FMNL2: variants seen among roughly 807,000 people sequenced by gnomAD.
FMNL2 encodes the protein formin-like protein 2.
In FMNL2, 51 loss-of-function variants were observed where a neutral mutation model predicts 130.2. The observed-to-expected ratio is 0.39, with a 90% CI of 0.31 to 0.49. The LOEUF is 0.49. FMNL2 is among the 20% of genes least tolerant of loss of function. The probability of loss-of-function intolerance (pLI) is 0.85; values close to 1 mark genes in which losing one functional copy is unlikely to be tolerated. For missense variants in FMNL2, 977 were observed against 1,316.2 expected (o/e 0.74, Z 3.99); for synonymous variants, 465 against 467.1 (o/e 1.00, Z 0.06).
At chr2:152,548,207 C>G (rs1169897996) in intron 3 of FMNL2, among the ~76,000 whole-genome samples, 1 of 152,074 alleles carries the variant, frequency 6.6e-6, no homozygotes, top group East Asian at 1.9e-4. Context: ...GCTCTGCATG[C>G]TTATTTTTGC....
intron 1 of FMNL2, among the ~76,000 whole-genome samples, chr2:152,359,481 C>CTTTTTTTT (rs10694393): frequency 0.14 from 9,866 of 72,508 alleles, 378 homozygotes; most frequent in South Asian, 0.2. Flanking sequence ...AAGAGGTAGC[C>CTTTTTTTT]TTTTTTTTTT....
chr2:152,420,510 C>T (rs1686852818), intron 1 of FMNL2, among the ~76,000 whole-genome samples: 1 of 152,192 alleles, frequency 6.6e-6, no homozygotes, highest in Admixed American at 6.5e-5. Flanking sequence ...TAAGGTCTTT[C>T]TCCGAGAATT....
intron 1 of FMNL2, among the ~76,000 whole-genome samples, chr2:152,429,283 G>A (rs1328374215): frequency 1.3e-5 from 2 of 151,184 alleles, no homozygotes; most frequent in African/African-American, 4.9e-5. Context: ...CCGACCAAAT[G>A]TGTCCATGCA....
At chr2:152,372,953 G>A (rs569678569) in intron 1 of FMNL2, among the ~76,000 whole-genome samples, 3 of 152,156 alleles carry the variant, frequency 2.0e-5, no homozygotes, top group Admixed American at 6.5e-5. Context: ...TGTTCTTATC[G>A]TGTCTTTGGG....
rs371495413 is a variant in FMNL2 at position 152,614,827 on chromosome 2, G to A, written c.1063-24G>A. On this transcript the variant is annotated intron_variant, in intron 11 of 25. Coordinates refer to ENST00000288670, the MANE Select transcript of FMNL2 (RefSeq NM_052905.4). Reference sequence around the variant, plus strand: ...ATTTCCATAGATGAGCTAACACCACGTTCTCTCCTATTCTGGTTTTTAGAA... The same window carrying A: ...ATTTCCATAGATGAGCTAACACCACATTCTCTCCTATTCTGGTTTTTAGAA... 111 of 1,582,328 alleles carry A rather than the reference G, an allele frequency of 7.0e-5. 1 individual carries two copies. The highest frequency in any genetic ancestry group is 4.0e-4 in the Admixed American group (20 of 50,166).
chr2:152,364,074 C>T (rs1683345498), intron 1 of FMNL2, among the ~76,000 whole-genome samples: 1 of 151,984 alleles, frequency 6.6e-6, no homozygotes, highest in African/African-American at 2.4e-5. Context: ...TGCCTGAGAG[C>T]CTCAGATACT....
chr2:152,533,601 A>T, intron 2 of FMNL2, among the ~76,000 whole-genome samples: 1 of 105,030 alleles, frequency 9.5e-6, no homozygotes. Context: ...GTTCCTTTGC[A>T]TTTTAATATA....
At chr2:152,469,626 C>T (rs564817124) in intron 1 of FMNL2, among the ~76,000 whole-genome samples, 17 of 152,324 alleles carry the variant, frequency 1.1e-4, no homozygotes, top group African/African-American at 3.8e-4. Context: ...GCTGAACCTC[C>T]TGTGTCCTTA....
chr2:152,414,956 CAG>C (rs201660939), intron 1 of FMNL2, among the ~76,000 whole-genome samples: 3,660 of 152,186 alleles, frequency 0.024, 135 homozygotes, highest in African/African-American at 0.084. Context: ...CATTGTTTGT[CAG>C]GGGAATGTGA....
intron 1 of FMNL2, among the ~76,000 whole-genome samples, chr2:152,343,155 C>G (rs765545490): frequency 3.3e-4 from 51 of 152,242 alleles, no homozygotes; most frequent in Admixed American, 2.4e-3. Context: ...ATTTGTAAGC[C>G]CCTGTAACCA....
At chr2:152,483,650 A>T (rs1426022412) in intron 1 of FMNL2, among the ~76,000 whole-genome samples, 5 of 152,200 alleles carry the variant, frequency 3.3e-5, no homozygotes, top group African/African-American at 1.2e-4. Flanking sequence ...CCCCAGGAAA[A>T]GATTCCATGT....
chr2:152,426,480 T>A (rs1207187594), intron 1 of FMNL2, among the ~76,000 whole-genome samples: 1 of 152,226 alleles, frequency 6.6e-6, no homozygotes, highest in Non-Finnish European at 1.5e-5. Context: ...CCTCAAGCAT[T>A]GTTTGTATGT....
intron 1 of FMNL2, among the ~76,000 whole-genome samples, chr2:152,515,697 T>G (rs1376079861): frequency 2.0e-5 from 3 of 152,132 alleles, no homozygotes; most frequent in African/African-American, 7.2e-5. Flanking sequence ...TTACTTAACC[T>G]CCTTGTCCTC....
chr2:152,385,409 C>T (rs909621593), intron 1 of FMNL2, among the ~76,000 whole-genome samples: 3 of 152,216 alleles, frequency 2.0e-5, no homozygotes, highest in African/African-American at 7.2e-5. Flanking sequence ...CACAAATATG[C>T]TTCCAATAAA....
rs747374580 is a variant in FMNL2, at chr2:152,607,321, T to A, written c.877-18T>A. On this transcript the variant is annotated intron_variant, in intron 9 of 25. Coordinates refer to ENST00000288670, the MANE Select transcript of FMNL2 (RefSeq NM_052905.4). Reference sequence around the variant, plus strand: ...TATGTTTAGAAAGTCACATGCACAATGAAAATGTGTGTTTCAGGTTTGTGG... The same window carrying A: ...TATGTTTAGAAAGTCACATGCACAAAGAAAATGTGTGTTTCAGGTTTGTGG... 6.2e-7 allele frequency: 1 copy of A among 1,611,376 alleles called. No individual in the cohort carries two copies. The highest frequency in any genetic ancestry group is 8.5e-7 in the Non-Finnish European group (1 of 1,178,006).
intron 25 of FMNL2, among the ~76,000 whole-genome samples, chr2:152,644,684 A>G (rs1683387202): frequency 6.6e-6 from 1 of 152,210 alleles, no homozygotes; most frequent in African/African-American, 2.4e-5. Context: ...TCATTCACGC[A>G]TCTTCACCGG....
intron 6 of FMNL2, among the ~76,000 whole-genome samples, chr2:152,562,814 G>A (rs943802360): frequency 3.9e-5 from 6 of 152,114 alleles, no homozygotes; most frequent in African/African-American, 1.4e-4. Flanking sequence ...TGATCACCTT[G>A]GTACTGGAAT....
intron 7 of FMNL2, among the ~76,000 whole-genome samples, chr2:152,575,924 T>C (rs1269506065): frequency 1.3e-5 from 2 of 152,146 alleles, no homozygotes; most frequent in East Asian, 3.8e-4. Flanking sequence ...GACCCCACTG[T>C]AAAAACACTG....
intron 1 of FMNL2, among the ~76,000 whole-genome samples, chr2:152,345,787 C>T (rs367772411): frequency 2.0e-5 from 3 of 152,280 alleles, no homozygotes; most frequent in Non-Finnish European, 2.9e-5. Context: ...CATCCAGATG[C>T]GAACCTGGAG....
Sources: allele counts gnomAD v4.1 joint callset (sites outside exome capture counted in the v4.1 genomes callset), GRCh38; gene constraint gnomAD v4.1.1; transcripts MANE v1.5; gene names NCBI Gene and HGNC (gene_info 2026-07-23, HGNC 2026-07-21).